The following PCED1B variants were observed in gnomAD, a reference collection of about 807,000 sequenced individuals.
PCED1B encodes PC-esterase domain-containing protein 1B.
For missense variants in PCED1B, 573 were observed against 573.9 expected, an observed-to-expected ratio of 1.00 and a Z score of 0.02; for synonymous variants, 251 against 246.1, an observed-to-expected ratio of 1.02 and a Z score of -0.19.
At chr12:47,126,346 C>CT (rs1397643362) in intron 2 of PCED1B, among the ~76,000 whole-genome samples, 3 of 151,992 alleles carry the variant, frequency 2.0e-5, no homozygotes, top group Non-Finnish European at 2.9e-5. Context: ...CCTTGTATTC[C>CT]TGGAGTAAAC....
At chr12:47,175,377 A>G (rs776204022) in intron 2 of PCED1B, among the ~76,000 whole-genome samples, 6 of 152,188 alleles carry the variant, frequency 3.9e-5, no homozygotes, top group Admixed American at 6.5e-5. Context: ...GTATCTTTAT[A>G]TCCATGAATT....
At chr12:47,082,501 C>A (rs1199953165) in intron 1 of PCED1B, among the ~76,000 whole-genome samples, 1 of 152,206 alleles carries the variant, frequency 6.6e-6, no homozygotes, top group African/African-American at 2.4e-5. Context: ...ATATTTTCCA[C>A]CCCACCCCCT....
intron 2 of PCED1B, among the ~76,000 whole-genome samples, chr12:47,107,029 G>A (rs1324263181): frequency 2.0e-5 from 3 of 152,048 alleles, no homozygotes; most frequent in Non-Finnish European, 2.9e-5. Context: ...TCAGTTACCC[G>A]GCCAGGGCTC....
At chr12:47,118,007 G>A (rs1377596294) in intron 2 of PCED1B, among the ~76,000 whole-genome samples, 2 of 152,094 alleles carry the variant, frequency 1.3e-5, no homozygotes, top group Non-Finnish European at 2.9e-5. Flanking sequence ...CTTTTGAGAA[G>A]TGTCTGTTCA....
At chr12:47,116,431 T>C (rs913490728) in intron 2 of PCED1B, among the ~76,000 whole-genome samples, 2 of 152,170 alleles carry the variant, frequency 1.3e-5, no homozygotes, top group African/African-American at 2.4e-5. Context: ...GTCTGTTTTT[T>C]GATCTGCTGA....
chr12:47,100,106 C>G (rs577128215), intron 1 of PCED1B, among the ~76,000 whole-genome samples: 1 of 152,192 alleles, frequency 6.6e-6, no homozygotes, highest in Non-Finnish European at 1.5e-5. Context: ...TTCATAAATA[C>G]TGTTTTAGAA....
intron 1 of PCED1B, among the ~76,000 whole-genome samples, chr12:47,080,794 T>C (rs1214308862): frequency 6.6e-6 from 1 of 151,976 alleles, no homozygotes; most frequent in Non-Finnish European, 1.5e-5. Flanking sequence ...TCCCCTCTTC[T>C]CTCTCCCTCT....
intron 2 of PCED1B, among the ~76,000 whole-genome samples, chr12:47,117,620 C>G (rs761488260): frequency 3.3e-5 from 5 of 152,040 alleles, no homozygotes; most frequent in Non-Finnish European, 7.4e-5. Context: ...GGGTTGGTTC[C>G]AAGTCTTTGC....
chr12:47,192,432 T>G (rs922532688), intron 2 of PCED1B, among the ~76,000 whole-genome samples: 2 of 152,162 alleles, frequency 1.3e-5, no homozygotes, highest in African/African-American at 4.8e-5. Flanking sequence ...TCTATCCAAA[T>G]GGGTGCTCCT....
intron 2 of PCED1B, among the ~76,000 whole-genome samples, chr12:47,181,064 A>T (rs1378639496): frequency 6.6e-6 from 1 of 151,642 alleles, no homozygotes; most frequent in African/African-American, 2.4e-5. Context: ...GGCTCACTAC[A>T]GCCTCAACCT....
intron 1 of PCED1B, among the ~76,000 whole-genome samples, chr12:47,089,638 T>A (rs1481456142): frequency 1.3e-5 from 2 of 151,624 alleles, no homozygotes; most frequent in African/African-American, 4.8e-5. Context: ...CTTGAATGTT[T>A]AGTGGTATCA....
At chr12:47,147,371 G>A (rs1262288810) in intron 2 of PCED1B, among the ~76,000 whole-genome samples, 2 of 151,962 alleles carry the variant, frequency 1.3e-5, no homozygotes, top group Non-Finnish European at 2.9e-5. Context: ...ACACAATTCG[G>A]CCCTATTCTT....
In PCED1B at chr12:47,170,952, T is replaced by C. The variant is rs140922969; in HGVS notation, c.-525-45270T>C. On this transcript the variant is annotated intron_variant, in intron 2 of 3. Coordinates refer to ENST00000546455, the MANE Select transcript of PCED1B (RefSeq NM_138371.3). ...TCACACACAAGTTTCTGGACTATCA[T>C]ATGAAATCCACATGCTTTTTCCTTT... is the stretch of plus-strand genomic sequence containing the variant. Among the ~76,000 whole-genome samples the C allele has an allele frequency of 2.6e-3, 400 of 152,278 alleles. 2 individuals are homozygous for C. Among genetic ancestry groups the C allele is most frequent in the African/African-American group, 9.3e-3 (387 of 41,568 alleles).
chr12:47,155,691 G>T (rs1941171098), intron 2 of PCED1B, among the ~76,000 whole-genome samples: 1 of 152,236 alleles, frequency 6.6e-6, no homozygotes, highest in Non-Finnish European at 1.5e-5. Context: ...AAGCTGCCAG[G>T]AGTGAGAGCT....
intron 2 of PCED1B, among the ~76,000 whole-genome samples, chr12:47,190,932 T>C (rs536975517): frequency 6.6e-6 from 1 of 152,306 alleles, no homozygotes; most frequent in Non-Finnish European, 1.5e-5. Context: ...CCAATCGAAC[T>C]TCTGGATGCC....
chr12:47,107,705 A>C (rs1481531152), intron 2 of PCED1B, among the ~76,000 whole-genome samples: 1 of 152,204 alleles, frequency 6.6e-6, no homozygotes. Context: ...AGAGAATGCC[A>C]GCTGGGGACT....
At chr12:47,116,891 A>C (rs1034261023) in intron 2 of PCED1B, among the ~76,000 whole-genome samples, 3 of 152,238 alleles carry the variant, frequency 2.0e-5, no homozygotes, top group Non-Finnish European at 4.4e-5. Context: ...CTTAAAATGC[A>C]CAATTCAATG....
chr12:47,223,451 A>T (rs1943546035), intron 3 of PCED1B: 2 of 152,170 alleles, frequency 1.3e-5, no homozygotes, highest in Admixed American at 1.3e-4. Flanking sequence ...TTTTTTTTAA[A>T]TGTGGCCTTG....
chr12:47,080,131 G>A (rs994133150), intron 1 of PCED1B, among the ~76,000 whole-genome samples: 1 of 152,056 alleles, frequency 6.6e-6, no homozygotes, highest in African/African-American at 2.4e-5. Flanking sequence ...CGCGCAGAGC[G>A]GGGAGGGGGC....
Sources: allele counts gnomAD v4.1 joint callset (sites outside exome capture counted in the v4.1 genomes callset), GRCh38; gene constraint gnomAD v4.1.1; transcripts MANE v1.5; gene names NCBI Gene and HGNC (gene_info 2026-07-23, HGNC 2026-07-21).